The following CAND2 variants were observed in gnomAD, a reference collection of about 807,000 sequenced individuals.
The protein encoded by CAND2 is cullin-associated NEDD8-dissociated protein 2.
A neutral mutation model predicts 98.9 loss-of-function variants in CAND2; 62 were observed. That is an observed-to-expected ratio of 0.63 (90% CI 0.51 to 0.77). The LOEUF (loss-of-function observed/expected upper bound fraction) is 0.77. CAND2 is among the 30% of genes least tolerant of loss of function. The pLI is 0.00. For synonymous variants in CAND2, 770 were observed against 731.9 expected (o/e 1.05, Z -0.84); for missense variants, 1,501 against 1,655.2 (o/e 0.91, Z 1.62).
intron 10 of CAND2, among the ~76,000 whole-genome samples, chr3:12,818,448 C>A (rs2061927968): frequency 6.6e-6 from 1 of 152,216 alleles, no homozygotes; most frequent in African/African-American, 2.4e-5. Context: ...TAGACGGGGA[C>A]AGGCTGACAT....
At chr3:12,820,004 G>A (rs1031880708) in intron 10 of CAND2, 82 bp from the exon 11 acceptor site, 19 of 1,067,344 alleles carry the variant, frequency 1.8e-5, no homozygotes, top group Non-Finnish European at 2.6e-5. Flanking sequence ...GAAGCAGGGG[G>A]AGGAGCCTAA....
chr3:12,820,902 T>C (rs1248393258), intron 11 of CAND2, among the ~76,000 whole-genome samples: 1 of 152,138 alleles, frequency 6.6e-6, no homozygotes, highest in Non-Finnish European at 1.5e-5. Context: ...TCCCTGGGTG[T>C]GTGAGTGTGG....
chr3:12,828,386 G>A (rs1232637897), intron 13 of CAND2, among the ~76,000 whole-genome samples: 1 of 140,350 alleles, frequency 7.1e-6, no homozygotes, highest in Non-Finnish European at 1.5e-5. Flanking sequence ...CACTCAGGCT[G>A]GAGTGCAGTG....
intron 14 of CAND2, 76 bp downstream of exon 14, chr3:12,831,648 A>G: frequency 1.1e-6 from 1 of 877,332 alleles, no homozygotes; most frequent in Middle Eastern, 2.7e-4. Flanking sequence ...AGTTACCCTT[A>G]CTGAGCACTT....
In CAND2 at chr3:12,815,551, A is replaced by G; in HGVS notation, c.1299+118A>G. On this transcript the variant is annotated intron_variant, in intron 8 of 14. Coordinates refer to ENST00000456430, the MANE Select transcript of CAND2 (RefSeq NM_001162499.2). This position sits in a 1 kb window ranked among gnomAD's most constrained non-coding sequence, Gnocchi z 5.7. ...ACATCCAGCCATGGAAGGGAAGGGA[A>G]GGGGTCCCTGGGGTGGGGGGCGGGA... 1 of 968,778 alleles carries G rather than the reference A, an allele frequency of 1.0e-6. No individual in the cohort carries two copies. Among genetic ancestry groups the G allele is most frequent in the East Asian group, 3.4e-5 (1 of 29,622 alleles). 60.0% of individuals were successfully genotyped at this position (968,778 alleles called of 1,614,324 possible). A position where few individuals can be genotyped will look rare whatever the true frequency, so the allele number is the denominator to read the frequency against.
At chr3:12,805,633 A>G (rs1192543084) in intron 2 of CAND2, among the ~76,000 whole-genome samples, 1 of 152,198 alleles carries the variant, frequency 6.6e-6, no homozygotes. Context: ...AGTTTCCCAG[A>G]AAACAAAGTA....
chr3:12,800,921 C>G (rs1385831526), intron 1 of CAND2, among the ~76,000 whole-genome samples: 1 of 152,088 alleles, frequency 6.6e-6, no homozygotes, highest in African/African-American at 2.4e-5. Context: ...TGGGGTTTCC[C>G]CCTGTTGGCC....
At chr3:12,825,445 C>A (rs757686233) in intron 11 of CAND2, 25 bp from the exon 12 acceptor site, 1 of 1,543,378 alleles carries the variant, frequency 6.5e-7, no homozygotes, top group South Asian at 1.2e-5. Context: ...GTGCATCCCC[C>A]ACGCCCCTCA....
intron 2 of CAND2, among the ~76,000 whole-genome samples, chr3:12,805,291 CTTT>C (rs1188131385): frequency 1.4e-5 from 2 of 140,522 alleles, no homozygotes; most frequent in Non-Finnish European, 3.1e-5. Flanking sequence ...TTTTTTTCTT[CTTT>C]TTTTTTTTTT....
At chr3:12,833,667 G>A in intron 14 of CAND2, 88 bp from the exon 15 acceptor site, 2 of 1,010,678 alleles carry the variant, frequency 2.0e-6, no homozygotes, top group Non-Finnish European at 3.1e-6. Flanking sequence ...AGATGATGGG[G>A]CAGAGAGGAA....
In CAND2 at chr3:12,817,591, C is replaced by G; in HGVS notation, c.2659C>G (p.Arg887Gly). The part of the protein sequence containing the change: ...VRAAASYALG[R>G]VGAGSLPDFL... ...GGCTGCAGCCTCGTATGCACTGGGC[C>G]GTGTGGGTGCTGGCAGCCTGCCCGA... The change falls in exon 10 of 15, where the codon CGT becomes GGT. Residue 887 changes from arginine to glycine, a missense_variant. Transcript: ENST00000456430. 1 of 1,613,892 alleles carries G rather than the reference C, an allele frequency of 6.2e-7. No homozygotes were observed. The highest frequency in any genetic ancestry group is 1.1e-5 in the South Asian group (1 of 91,084).
chr3:12,824,970 C>A (rs565340449), intron 11 of CAND2, among the ~76,000 whole-genome samples: 35 of 152,258 alleles, frequency 2.3e-4, no homozygotes, highest in African/African-American at 8.2e-4. Flanking sequence ...CTGAGAAGTG[C>A]TGGTGACTCT....
rs531439250 is a variant in CAND2 at position 12,812,221 on chromosome 3, C to CTTTTTTTTTT, written c.758-759_758-750dup. On this transcript the variant is annotated intron_variant, in intron 5 of 14. Coordinates refer to ENST00000456430, the MANE Select transcript of CAND2 (RefSeq NM_001162499.2). ...ACCATGCCCGGCCTAAGCTGTTTAT[C>CTTTTTTTTTT]TTTTTTTTTTTTTTTTTTTGGAGAT... 6.2e-4 allele frequency among the ~76,000 whole-genome samples: 46 copies of CTTTTTTTTTT among 74,514 alleles called. 6 individuals carry two copies. The highest frequency in any genetic ancestry group is 1.5e-3 in the African/African-American group (26 of 17,402). 48.9% of individuals were successfully genotyped at this position (74,514 alleles called of 152,430 possible). A position where few individuals can be genotyped will look rare whatever the true frequency, so the allele number is the denominator to read the frequency against.
chr3:12,819,388 G>A (rs528492465), intron 10 of CAND2, among the ~76,000 whole-genome samples: 4 of 152,362 alleles, frequency 2.6e-5, no homozygotes, highest in Admixed American at 2.0e-4. Context: ...AGCAAAGGGG[G>A]CGAGCCACTG....
intron 10 of CAND2, 22 bp from the exon 11 acceptor site, chr3:12,820,064 C>T (rs1387080114): frequency 6.2e-7 from 1 of 1,606,262 alleles, no homozygotes; most frequent in Non-Finnish European, 8.5e-7. Context: ...CCCTCACTAA[C>T]TCACCTCTTC....
chr3:12,806,850 G>C (rs1285548922), intron 2 of CAND2, among the ~76,000 whole-genome samples: 2 of 152,304 alleles, frequency 1.3e-5, no homozygotes, highest in East Asian at 3.9e-4. Flanking sequence ...ACTTTGAGAA[G>C]CAAGCCTCTA....
At chr3:12,803,793 A>G (rs1463507096) in intron 2 of CAND2, among the ~76,000 whole-genome samples, 162 bp downstream of exon 2, 3 of 152,142 alleles carry the variant, frequency 2.0e-5, no homozygotes, top group Non-Finnish European at 2.9e-5. Flanking sequence ...ATGCTGAGAC[A>G]AGGATTCAAA....
intron 14 of CAND2, among the ~76,000 whole-genome samples, chr3:12,832,988 T>C (rs2062067522): frequency 6.6e-6 from 1 of 152,236 alleles, no homozygotes; most frequent in African/African-American, 2.4e-5. Flanking sequence ...TTGGCAACTC[T>C]TACGACGAGG....
At chr3:12,797,183 C>G (rs1243741519) in intron 1 of CAND2, among the ~76,000 whole-genome samples, 1 of 147,974 alleles carries the variant, frequency 6.8e-6, no homozygotes, top group Non-Finnish European at 1.5e-5. Context: ...CCCCCCGCCC[C>G]CACCACCTTC....
Sources: gnomAD v4.1 joint callset for allele counts (sites outside exome capture counted in the v4.1 genomes callset) on GRCh38, gnomAD v4.1.1 for gene constraint, Gnocchi (gnomAD v3.1) non-coding constraint, MANE v1.5 for transcripts, NCBI Gene and HGNC (gene_info 2026-07-23, HGNC 2026-07-21) for gene names.